Variants in ZC3HAV1 observed in about 807,000 individuals in gnomAD.
ZC3HAV1 encodes zinc finger CCCH-type antiviral protein 1.
A neutral mutation model predicts 86.6 loss-of-function variants in ZC3HAV1; 41 were observed. The ratio of observed to expected loss-of-function variants is 0.47; its 90% CI spans 0.37 to 0.61. ZC3HAV1 has a LOEUF of 0.61. Among genes scored for constraint, ZC3HAV1 ranks in the 20% least tolerant of loss-of-function variants. ZC3HAV1 has a pLI of 0.00. For missense variants in ZC3HAV1, 964 were observed against 1,141.1 expected, an observed-to-expected ratio of 0.84 and a Z score of 2.24; for synonymous variants, 421 against 432.1, an observed-to-expected ratio of 0.97 and a Z score of 0.32.
chr7:139,065,547 G>A (rs749552494), intron 7 of ZC3HAV1, among the ~76,000 whole-genome samples: 16 of 152,106 alleles, frequency 1.1e-4, no homozygotes, highest in African/African-American at 1.9e-4. Context: ...AAAATTGGCC[G>A]AGCCTCCTGC....
At chr7:139,085,584 G>A (rs1309876713) in intron 2 of ZC3HAV1, among the ~76,000 whole-genome samples, 1 of 152,212 alleles carries the variant, frequency 6.6e-6, no homozygotes, top group African/African-American at 2.4e-5. Context: ...TCAATGAAGT[G>A]ACTGGAAACA....
At chr7:139,070,700 G>A (rs1816749659) in intron 7 of ZC3HAV1, among the ~76,000 whole-genome samples, 1 of 150,696 alleles carries the variant, frequency 6.6e-6, no homozygotes, top group African/African-American at 2.5e-5. Flanking sequence ...GAAGGGCTGG[G>A]TTGGGTGCGG....
Position 139,109,582 on chromosome 7 carries a change from G to T in ZC3HAV1, c.-251C>A. 1 of 445,884 alleles carries T rather than the reference G, an allele frequency of 2.2e-6. No individual in the cohort carries two copies. Among genetic ancestry groups the T allele is most frequent in the Non-Finnish European group, 3.9e-6 (1 of 255,212 alleles). 27.6% of individuals were successfully genotyped at this position (445,884 alleles called of 1,614,324 possible). A position where few individuals can be genotyped will look rare whatever the true frequency, so the allele number is the denominator to read the frequency against. The stretch of plus-strand genomic sequence containing the variant: ...TTACAGCCGGCCGCAAGGGCAACTG[G>T]GTGGAAAGAAAGAGAACGCGCGGGC... On this transcript the variant is annotated 5_prime_UTR_variant, in exon 1 of 13. Transcript: ENST00000242351.
rs768713817 is a variant in ZC3HAV1 at position 139,076,300 on chromosome 7, G to A, written c.1683C>T (p.Asn561=). 1.9e-6 allele frequency: 3 copies of A among 1,614,160 alleles called. No homozygotes were observed. The highest frequency in any genetic ancestry group is 1.1e-5 in the South Asian group (1 of 91,072). Residue 561 remains asparagine (N), a synonymous_variant, in exon 6 of 13, where the codon AAC becomes AAT. Transcript: ENST00000242351. ...HMETIEKGYC[N]PGIHLCSVGS... Reference sequence around the variant, plus strand: ...CACCAACTTACAGGTGGATTCCGGGGTTACAGTAGCCTTTCTCGATCGTCT... The same window carrying A: ...CACCAACTTACAGGTGGATTCCGGGATTACAGTAGCCTTTCTCGATCGTCT...
intron 2 of ZC3HAV1, among the ~76,000 whole-genome samples, chr7:139,084,891 C>T (rs576347020): frequency 1.3e-5 from 2 of 152,284 alleles, no homozygotes; most frequent in East Asian, 1.9e-4. Context: ...TCTGAGCAAA[C>T]CAGATCAGTA....
chr7:139,088,988 G>C (rs1317604035), intron 2 of ZC3HAV1, among the ~76,000 whole-genome samples: 2 of 151,294 alleles, frequency 1.3e-5, no homozygotes, highest in Non-Finnish European at 2.9e-5. Flanking sequence ...TGTAATCCCT[G>C]CTACTTGGGA....
intron 3 of ZC3HAV1, among the ~76,000 whole-genome samples, chr7:139,081,403 CAGG>C (rs1263921308): frequency 6.6e-6 from 1 of 152,218 alleles, no homozygotes; most frequent in East Asian, 1.9e-4. Context: ...AGGCTTAACT[CAGG>C]AGATTAACTG....
intron 2 of ZC3HAV1, among the ~76,000 whole-genome samples, chr7:139,085,032 A>C (rs1334063150): frequency 6.6e-6 from 1 of 152,246 alleles, no homozygotes; most frequent in Non-Finnish European, 1.5e-5. Context: ...TATGATCCAG[A>C]TTCTAGACTC....
intron 12 of ZC3HAV1, among the ~76,000 whole-genome samples, chr7:139,050,504 A>C (rs1816092190): frequency 6.6e-6 from 1 of 152,044 alleles, no homozygotes; most frequent in African/African-American, 2.4e-5. Flanking sequence ...AGTAGCTAGG[A>C]CTACAGGCAT....
chr7:139,076,331 T>C lies in ZC3HAV1; in HGVS notation c.1652A>G (p.His551Arg). Residue 551 changes from histidine to arginine, a missense_variant, in exon 6 of 13, where the codon CAC becomes CGC. His to Arg is a conservative substitution (Grantham distance 29). Transcript: ENST00000242351. Reference sequence around the variant, plus strand: ...GTAGCCTTTCTCGATCGTCTCCATGTGCTCAAAGTCCGTCCAGGTTTTACC... The same window carrying C: ...GTAGCCTTTCTCGATCGTCTCCATGCGCTCAAAGTCCGTCCAGGTTTTACC... ...LIGKTWTDFE[H>R]METIEKGYCN... is the part of the protein sequence containing the mutation. 2 of 1,614,234 alleles carry C rather than the reference T, an allele frequency of 1.2e-6. No homozygotes were observed. The highest frequency in any genetic ancestry group is 1.7e-6 in the Non-Finnish European group (2 of 1,180,040).
chr7:139,073,608 A>ATCT (rs1816845470), intron 7 of ZC3HAV1, among the ~76,000 whole-genome samples: 1 of 152,080 alleles, frequency 6.6e-6, no homozygotes, highest in Non-Finnish European at 1.5e-5. Flanking sequence ...CTCCTGCCTC[A>ATCT]GCCTCCAGAG....
intron 1 of ZC3HAV1, among the ~76,000 whole-genome samples, chr7:139,096,172 T>A (rs1311953405): frequency 6.6e-6 from 1 of 152,042 alleles, no homozygotes; most frequent in East Asian, 1.9e-4. Flanking sequence ...GCACCACCAC[T>A]CCCGGCTAAT....
Position 139,109,438 on chromosome 7 carries a change from T to C in ZC3HAV1, c.-107A>G. 1 of 1,376,944 alleles carries C rather than the reference T, an allele frequency of 7.3e-7. No homozygotes were observed. Among genetic ancestry groups the C allele is most frequent in the Non-Finnish European group, 9.5e-7 (1 of 1,049,944 alleles). The allele number at this position is 1,376,944 out of a possible 1,614,324, so 85.3% of individuals were successfully genotyped here. On this transcript the variant is annotated 5_prime_UTR_variant, in exon 1 of 13. Coordinates refer to ENST00000242351, the MANE Select transcript of ZC3HAV1 (RefSeq NM_020119.4). ...GGGCGGGCGCGGGCGGTGCTACTGCTGGGCGCGCCCGGAGTCAGCGAGGGC... is the reference window on the plus strand; with the variant it reads ...GGGCGGGCGCGGGCGGTGCTACTGCCGGGCGCGCCCGGAGTCAGCGAGGGC...
intron 7 of ZC3HAV1, among the ~76,000 whole-genome samples, chr7:139,071,578 A>T (rs1049569988): frequency 6.6e-6 from 1 of 152,246 alleles, no homozygotes; most frequent in Non-Finnish European, 1.5e-5. Context: ...GGCGCCTGAC[A>T]GAATCGCTTA....
chr7:139,071,076 C>G (rs1816758624), intron 7 of ZC3HAV1, among the ~76,000 whole-genome samples: 2 of 149,664 alleles, frequency 1.3e-5, no homozygotes, highest in South Asian at 4.2e-4. Context: ...ATCTTTCCCC[C>G]AAATAGTTCC....
chr7:139,092,416 G>A (rs1414282686), intron 1 of ZC3HAV1, among the ~76,000 whole-genome samples: 1 of 152,138 alleles, frequency 6.6e-6, no homozygotes, highest in Non-Finnish European at 1.5e-5. Flanking sequence ...AAACAAGGTT[G>A]GGCATTACAT....
chr7:139,109,283 G>A lies in ZC3HAV1; in HGVS notation c.49C>T (p.His17Tyr). The A allele has an allele frequency of 6.2e-7, 1 of 1,610,938 alleles. No individual in the cohort carries two copies. Among genetic ancestry groups the A allele is most frequent in the Non-Finnish European group, 8.5e-7 (1 of 1,179,250 alleles). The stretch of plus-strand genomic sequence containing the variant: ...GCGTCCAGGGCCATGCGGCCCCCGT[G>A]GGCGCACAGGATTTTGGTGATGAAG... ...CCFITKILCA[H>Y]GGRMALDALL... The change falls in exon 1 of 13, where the codon CAC (histidine) becomes TAC (tyrosine). Residue 17 changes from histidine (H) to tyrosine (Y), a missense_variant. By Grantham distance (83) the His-to-Tyr change is moderately conservative. Coordinates refer to ENST00000242351, the MANE Select transcript of ZC3HAV1 (RefSeq NM_020119.4).
At chr7:139,078,709 A>T (rs1405755959) in intron 4 of ZC3HAV1, 56 bp from the exon 5 acceptor site, 3 of 1,287,980 alleles carry the variant, frequency 2.3e-6, no homozygotes, top group Non-Finnish European at 3.2e-6. Context: ...ACCAAAAATC[A>T]AAGCACTTGG....
chr7:139,048,922 C>T (rs1816039070), intron 12 of ZC3HAV1, among the ~76,000 whole-genome samples: 1 of 152,036 alleles, frequency 6.6e-6, no homozygotes, highest in Non-Finnish European at 1.5e-5. Flanking sequence ...AATCCCACTC[C>T]CCTTCCCAAA....
Sources: allele counts gnomAD v4.1 joint callset (sites outside exome capture counted in the v4.1 genomes callset), GRCh38; gene constraint gnomAD v4.1.1; transcripts MANE v1.5; gene names NCBI Gene and HGNC (gene_info 2026-07-23, HGNC 2026-07-21).